The following GPHN variants were observed in gnomAD, a reference collection of about 807,000 sequenced individuals.
GPHN encodes gephyrin.
Under a neutral mutation model 95.5 loss-of-function variants are expected in GPHN, and 17 were observed. The observed-to-expected ratio is 0.18, with a 90% confidence interval of 0.12 to 0.27. The LOEUF (loss-of-function observed/expected upper bound fraction) is 0.27, where lower values mean the gene tolerates loss of function less well. Among genes scored for constraint, GPHN ranks in the 10% least tolerant of loss-of-function variants. The probability of loss-of-function intolerance (pLI) is 1.00; values close to 1 mark genes in which losing one functional copy is unlikely to be tolerated. For missense variants in GPHN, 660 were observed against 978.1 expected (o/e 0.67, Z 4.34); for synonymous variants, 320 against 322.5 (o/e 0.99, Z 0.08).
chr14:66,997,120 C>G (rs1277591279), intron 9 of GPHN, among the ~76,000 whole-genome samples: 2 of 151,990 alleles, frequency 1.3e-5, no homozygotes, highest in Admixed American at 1.3e-4. Flanking sequence ...AATCCCAGCA[C>G]TTTGTGAGGC....
At chr14:66,830,112 C>T (rs996829139) in intron 4 of GPHN, among the ~76,000 whole-genome samples, 1 of 152,134 alleles carries the variant, frequency 6.6e-6, no homozygotes, top group Non-Finnish European at 1.5e-5. Flanking sequence ...CCTATAAAGC[C>T]TGACGTATTT....
the GPHN span, among the ~76,000 whole-genome samples, chr14:67,232,262 C>T: frequency 6.6e-6 from 1 of 152,294 alleles, no homozygotes; most frequent in African/African-American, 2.4e-5. Context: ...GCTGTCACAT[C>T]CTTAGATCAT....
chr14:67,662,670 C>G, the GPHN span: 1 of 794,880 alleles, frequency 1.3e-6, no homozygotes, highest in African/African-American at 1.8e-5. Context: ...CTTTGGGAGG[C>G]CAAGGCAGGT....
chr14:67,055,658 G>A (rs772557811), intron 10 of GPHN, among the ~76,000 whole-genome samples: 13 of 152,206 alleles, frequency 8.5e-5, no homozygotes, highest in Non-Finnish European at 1.5e-4. Context: ...CAACCCAAAC[G>A]CCTATCAATG....
At chr14:66,982,906 C>A (rs2070769647) in intron 9 of GPHN, among the ~76,000 whole-genome samples, 2 of 152,124 alleles carry the variant, frequency 1.3e-5, no homozygotes, top group African/African-American at 4.8e-5. Flanking sequence ...TTCATCTTAT[C>A]TGAATGCTAA....
the GPHN span, among the ~76,000 whole-genome samples, chr14:67,259,159 A>G: frequency 6.6e-6 from 1 of 151,780 alleles, no homozygotes; most frequent in African/African-American, 2.4e-5. Context: ...AACTTTTAAC[A>G]TTGTCATAAA....
At chr14:67,106,459 A>G (rs1483290080) in intron 13 of GPHN, among the ~76,000 whole-genome samples, 1 of 152,120 alleles carries the variant, frequency 6.6e-6, no homozygotes, top group African/African-American at 2.4e-5. Flanking sequence ...ATGGTGTCCC[A>G]TAAGTCTTAC....
chr14:66,883,983 C>T (rs1301198716), intron 5 of GPHN, among the ~76,000 whole-genome samples: 2 of 152,012 alleles, frequency 1.3e-5, no homozygotes, highest in African/African-American at 4.8e-5. Flanking sequence ...TCCAGGGGAC[C>T]CCATTCCCAG....
At chr14:67,496,478 A>ACTG in the GPHN span, among the ~76,000 whole-genome samples, 26 of 129,560 alleles carry the variant, frequency 2.0e-4, 1 homozygote, top group South Asian at 3.2e-3. Flanking sequence ...ATCTCTGCTC[A>ACTG]CTGCAGCCTC....
the GPHN span, chr14:67,600,215 T>C: frequency 3.2e-6 from 5 of 1,558,970 alleles, no homozygotes; most frequent in Non-Finnish European, 4.3e-6. Flanking sequence ...ACGCCCCCAC[T>C]CGGCCGCCCG....
chr14:66,754,754 CT>C (rs2058497696), intron 2 of GPHN, among the ~76,000 whole-genome samples: 2 of 152,008 alleles, frequency 1.3e-5, no homozygotes, highest in East Asian at 3.9e-4. Flanking sequence ...TTAAAATAGC[CT>C]TTTGACTTTT....
intron 1 of GPHN, among the ~76,000 whole-genome samples, chr14:66,538,764 A>G (rs2059232940): frequency 6.9e-6 from 1 of 145,102 alleles, no homozygotes; most frequent in African/African-American, 2.6e-5. Context: ...AGTCTTGATT[A>G]CAGGTCATTT....
chr14:66,702,761 TAAC>T (rs1264606911), intron 2 of GPHN, among the ~76,000 whole-genome samples: 2 of 152,016 alleles, frequency 1.3e-5, no homozygotes, highest in Non-Finnish European at 2.9e-5. Context: ...CAAATGATTA[TAAC>T]AACAGCAAGG....
At chr14:67,204,768 A>T in the GPHN span, 37,426 of 1,614,032 alleles carry the variant, frequency 0.023, 595 homozygotes, top group Middle Eastern at 0.033. Context: ...CGAATAGCAC[A>T]GACATCACAG....
At chr14:67,550,724 T>C in the GPHN span, among the ~76,000 whole-genome samples, 1 of 152,222 alleles carries the variant, frequency 6.6e-6, no homozygotes, top group Non-Finnish European at 1.5e-5. Flanking sequence ...AAGATGTATA[T>C]GGAATCTGGA....
chr14:66,569,945 T>G (rs1595015349), intron 1 of GPHN, among the ~76,000 whole-genome samples: 2 of 152,150 alleles, frequency 1.3e-5, no homozygotes, highest in Non-Finnish European at 2.9e-5. Flanking sequence ...CTCCTCAATC[T>G]CATCCTCCAT....
intron 1 of GPHN, among the ~76,000 whole-genome samples, chr14:66,565,985 T>G (rs964590259): frequency 6.6e-6 from 1 of 151,802 alleles, no homozygotes; most frequent in East Asian, 1.9e-4. Flanking sequence ...TTTTTTGCTT[T>G]CTATCTATTC....
At chr14:66,768,320 G>C (rs1042435405) in intron 2 of GPHN, among the ~76,000 whole-genome samples, 1 of 151,900 alleles carries the variant, frequency 6.6e-6, no homozygotes, top group Non-Finnish European at 1.5e-5. Context: ...TATGGCATGA[G>C]AAATTAGAAT....
At chr14:67,264,049 A>C in the GPHN span, among the ~76,000 whole-genome samples, 2 of 152,286 alleles carry the variant, frequency 1.3e-5, no homozygotes, top group South Asian at 4.1e-4. Context: ...CTACAGGTGC[A>C]TGCCATGGCA....
Sources: allele counts gnomAD v4.1 joint callset (sites outside exome capture counted in the v4.1 genomes callset), GRCh38; gene constraint gnomAD v4.1.1; transcripts MANE v1.5; gene names NCBI Gene and HGNC (gene_info 2026-07-23, HGNC 2026-07-21).